NRG1: variants seen among roughly 807,000 people sequenced by gnomAD.
The protein encoded by NRG1 is pro-neuregulin-1, membrane-bound isoform.
A neutral mutation model predicts 63.8 loss-of-function variants in NRG1; 18 were observed. That is an observed-to-expected ratio of 0.28 (90% CI 0.19 to 0.42). NRG1 has a LOEUF of 0.42. Among genes scored for constraint, NRG1 ranks in the 10% least tolerant of loss-of-function variants. The pLI is 1.00. For synonymous variants in NRG1, 302 were observed against 301.3 expected, an observed-to-expected ratio of 1.00 and a Z score of -0.02; for missense variants, 762 against 814.7, an observed-to-expected ratio of 0.94 and a Z score of 0.79.
At chr8:31,708,404 C>T (rs1410941738) in intron 1 of NRG1, among the ~76,000 whole-genome samples, 1 of 151,610 alleles carries the variant, frequency 6.6e-6, no homozygotes, top group African/African-American at 2.4e-5. Flanking sequence ...CCCTGAACAA[C>T]AACTTCCGAT....
upstream of NRG1, among the ~76,000 whole-genome samples, chr8:32,546,675 A>T (rs1328733310): frequency 6.6e-6 from 1 of 152,228 alleles, no homozygotes; most frequent in African/African-American, 2.4e-5. Context: ...TGGTGTTTGT[A>T]GGAAGGCTAT....
intron 1 of NRG1, among the ~76,000 whole-genome samples, chr8:31,752,354 A>G (rs1158868277): frequency 6.6e-6 from 1 of 152,054 alleles, no homozygotes; most frequent in African/African-American, 2.4e-5. Flanking sequence ...TTTAGGTGTG[A>G]TGAGAATGCA....
chr8:32,127,972 C>A (rs1354419420), intron 1 of NRG1, among the ~76,000 whole-genome samples: 3 of 151,866 alleles, frequency 2.0e-5, no homozygotes, highest in Non-Finnish European at 2.9e-5. Context: ...CTCTTCTCCT[C>A]CCCCAGCAAT....
intron 1 of NRG1, among the ~76,000 whole-genome samples, chr8:31,691,605 A>AG (rs1186314908): frequency 6.7e-6 from 1 of 150,362 alleles, no homozygotes; most frequent in Non-Finnish European, 1.5e-5. Context: ...AAAAAAAAAA[A>AG]AAAAAAAAAA....
rs548592124 is a variant in NRG1, at chr8:31,937,342, T to C, written c.37+297911T>C. Among the ~76,000 whole-genome samples the C allele has an allele frequency of 3.3e-5, 5 of 152,026 alleles. No individual in the cohort carries two copies. In the East Asian group the frequency reaches 9.6e-4, roughly 29 times the overall value. Reference sequence around the variant, plus strand: ...ATAGAAAGTATAACATTTTAAATAATGTTTAAGGGGAAAAAGAAAAAGATA... The same window carrying C: ...ATAGAAAGTATAACATTTTAAATAACGTTTAAGGGGAAAAAGAAAAAGATA... On this transcript the variant is annotated intron_variant, in intron 1 of 10. Transcript: ENST00000519301.
At chr8:32,090,061 A>T (rs1041761970) in intron 1 of NRG1, among the ~76,000 whole-genome samples, 3 of 152,216 alleles carry the variant, frequency 2.0e-5, no homozygotes, top group Non-Finnish European at 4.4e-5. Flanking sequence ...TGACAAGAGC[A>T]TAAATCTATC....
chr8:32,141,251 C>T (rs1836211164), intron 1 of NRG1, among the ~76,000 whole-genome samples: 1 of 151,956 alleles, frequency 6.6e-6, no homozygotes, highest in Admixed American at 6.6e-5. Context: ...CAGCAACAAG[C>T]TTGCTAAGGG....
At chr8:31,846,651 G>A (rs1309667823) in intron 1 of NRG1, among the ~76,000 whole-genome samples, 1 of 152,196 alleles carries the variant, frequency 6.6e-6, no homozygotes, top group Non-Finnish European at 1.5e-5. Context: ...AATGGAATGT[G>A]TCATAAGGGG....
chr8:31,988,665 A>G (rs1340846617), intron 1 of NRG1, among the ~76,000 whole-genome samples: 1 of 152,120 alleles, frequency 6.6e-6, no homozygotes, highest in Non-Finnish European at 1.5e-5. Context: ...TGGAGAAGGT[A>G]ATACATACAT....
At chr8:32,710,168 T>G (rs992514010) in intron 5 of NRG1, among the ~76,000 whole-genome samples, 5 of 152,106 alleles carry the variant, frequency 3.3e-5, no homozygotes, top group Non-Finnish European at 7.4e-5. Flanking sequence ...TTTTTAAGAG[T>G]TTCTTGTGTG....
chr8:31,660,516 C>T (rs936651744), intron 1 of NRG1, among the ~76,000 whole-genome samples: 2 of 152,238 alleles, frequency 1.3e-5, no homozygotes, highest in Non-Finnish European at 2.9e-5. Flanking sequence ...ATATATTATT[C>T]GTTTTGATTT....
At chr8:32,169,676 G>C (rs140156556) in intron 1 of NRG1, among the ~76,000 whole-genome samples, 225 of 152,266 alleles carry the variant, frequency 1.5e-3, no homozygotes, top group African/African-American at 5.1e-3. Context: ...CCACTTTCTG[G>C]TCCAAAGTTG....
chr8:31,743,268 G>T (rs1285300040), intron 1 of NRG1, among the ~76,000 whole-genome samples: 1 of 151,988 alleles, frequency 6.6e-6, no homozygotes, highest in Non-Finnish European at 1.5e-5. Context: ...GCAGGAGGGT[G>T]GAAGGGGTCT....
chr8:31,895,837 A>G (rs1249239623), intron 1 of NRG1, among the ~76,000 whole-genome samples: 2 of 152,134 alleles, frequency 1.3e-5, no homozygotes, highest in African/African-American at 4.8e-5. Context: ...GAAAAGAATT[A>G]TTTCTGATGT....
intron 1 of NRG1, among the ~76,000 whole-genome samples, chr8:32,529,222 A>T (rs991343504): frequency 2.0e-5 from 3 of 152,234 alleles, no homozygotes; most frequent in African/African-American, 7.2e-5. Flanking sequence ...ATATCTAAAC[A>T]TAGAAAAGGT....
At chr8:32,368,479 G>A (rs1808377566) in intron 1 of NRG1, among the ~76,000 whole-genome samples, 1 of 152,162 alleles carries the variant, frequency 6.6e-6, no homozygotes. Context: ...TTGAGCCCAT[G>A]AGTTTGAGGC....
At chr8:32,094,994 C>T (rs1363748939) in intron 1 of NRG1, among the ~76,000 whole-genome samples, 1 of 151,310 alleles carries the variant, frequency 6.6e-6, no homozygotes, top group Non-Finnish European at 1.5e-5. Flanking sequence ...TCACTGCAAC[C>T]TCTGTCTCCC....
intron 1 of NRG1, among the ~76,000 whole-genome samples, chr8:32,457,926 T>G (rs868362873): frequency 4.6e-5 from 7 of 152,218 alleles, no homozygotes; most frequent in Non-Finnish European, 7.4e-5. Context: ...CTTTTTTTTT[T>G]TTGTTTTTTT....
At chr8:32,029,984 C>T (rs1818013543) in intron 1 of NRG1, among the ~76,000 whole-genome samples, 1 of 152,036 alleles carries the variant, frequency 6.6e-6, no homozygotes, top group South Asian at 2.1e-4. Context: ...AAAACATTCT[C>T]TTTATATTCA....
Sources: gnomAD v4.1 joint callset for allele counts (sites outside exome capture counted in the v4.1 genomes callset) on GRCh38, gnomAD v4.1.1 for gene constraint, MANE v1.5 for transcripts, NCBI Gene and HGNC (gene_info 2026-07-23, HGNC 2026-07-21) for gene names.